Variants in PRKAR2B observed in about 807,000 individuals in gnomAD.
PRKAR2B encodes protein kinase cAMP-dependent type II regulatory subunit beta, also known as cAMP-dependent protein kinase type II-beta regulatory subunit.
In PRKAR2B, 14 loss-of-function variants were observed where a neutral mutation model predicts 49.9. That is an observed-to-expected ratio of 0.28 (90% CI 0.19 to 0.44). The LOEUF is 0.44. Among genes scored for constraint, PRKAR2B ranks in the 20% least tolerant of loss-of-function variants. The probability of loss-of-function intolerance (pLI) is 1.00; values close to 1 mark genes in which losing one functional copy is unlikely to be tolerated. For synonymous variants in PRKAR2B, 196 were observed against 197.7 expected, an observed-to-expected ratio of 0.99 and a Z score of 0.07; for missense variants, 393 against 537.9, an observed-to-expected ratio of 0.73 and a Z score of 2.67.
chr7:107,144,723 A>G (rs1284518118), intron 5 of PRKAR2B, among the ~76,000 whole-genome samples: 1 of 150,864 alleles, frequency 6.6e-6, no homozygotes, highest in Non-Finnish European at 1.5e-5. Flanking sequence ...CTCCCAAAAC[A>G]TTGGAATTAC....
chr7:107,086,288 G>A (rs1794618711), intron 2 of PRKAR2B, among the ~76,000 whole-genome samples: 1 of 152,028 alleles, frequency 6.6e-6, no homozygotes, highest in South Asian at 2.1e-4. Flanking sequence ...GGGTTATTTA[G>A]TCTGAACTTC....
At position 107,128,315 on chromosome 7, in the gene PRKAR2B, T is replaced by A; in HGVS notation, c.480+20T>A. 1 of 1,563,070 alleles carries A rather than the reference T, an allele frequency of 6.4e-7. No individual in the cohort carries two copies. Among genetic ancestry groups the A allele is most frequent in the Non-Finnish European group, 8.8e-7 (1 of 1,133,826 alleles). ...GATCCGGTAAGATAAATCTTAATAA[T>A]AGAAATGGCTTTGTTTTTTCCCCCA... On this transcript the variant is annotated intron_variant, in intron 4 of 10. Transcript: ENST00000265717.
chr7:107,118,699 G>T (rs986377530), intron 2 of PRKAR2B, among the ~76,000 whole-genome samples: 1 of 152,144 alleles, frequency 6.6e-6, no homozygotes, highest in Non-Finnish European at 1.5e-5. Flanking sequence ...GTTCTGTGTG[G>T]GTGAAAGGTC....
intron 1 of PRKAR2B, among the ~76,000 whole-genome samples, chr7:107,059,241 C>G (rs932736000): frequency 3.3e-5 from 5 of 151,774 alleles, no homozygotes; most frequent in African/African-American, 1.2e-4. Flanking sequence ...TGAACTCCAG[C>G]GTGGGTGACA....
At chr7:107,086,061 G>A (rs1032167157) in intron 2 of PRKAR2B, among the ~76,000 whole-genome samples, 6 of 152,178 alleles carry the variant, frequency 3.9e-5, no homozygotes, top group Non-Finnish European at 8.8e-5. Flanking sequence ...ATTTTGAAAT[G>A]TCTGTTAATT....
chr7:107,098,872 C>G (rs1204816771), intron 2 of PRKAR2B, among the ~76,000 whole-genome samples: 3 of 152,320 alleles, frequency 2.0e-5, no homozygotes, highest in Non-Finnish European at 4.4e-5. Flanking sequence ...GATCCTTTCT[C>G]TGGAAGCTTT....
intron 2 of PRKAR2B, among the ~76,000 whole-genome samples, chr7:107,071,514 A>G (rs1428907981): frequency 6.6e-6 from 1 of 152,224 alleles, no homozygotes. Context: ...TGTTTATGTC[A>G]GTAAGGCGTC....
intron 2 of PRKAR2B, among the ~76,000 whole-genome samples, chr7:107,119,205 A>AG (rs1004800670): frequency 2.0e-5 from 3 of 152,200 alleles, no homozygotes; most frequent in Non-Finnish European, 2.9e-5. Flanking sequence ...AATGGATCAG[A>AG]GGGTGGGGGT....
chr7:107,125,402 A>G (rs1252607398), intron 3 of PRKAR2B, among the ~76,000 whole-genome samples: 2 of 152,250 alleles, frequency 1.3e-5, no homozygotes, highest in Non-Finnish European at 2.9e-5. Flanking sequence ...TTGTTTAACA[A>G]ATAAAATTTT....
intron 5 of PRKAR2B, among the ~76,000 whole-genome samples, chr7:107,144,786 CTTTTTTTTTTTTTTTT>C (rs11414978): frequency 1.2e-5 from 1 of 81,916 alleles, no homozygotes; most frequent in Non-Finnish European, 2.3e-5. Context: ...TTAAAAGCCA[CTTTTTTTTTTTTTTTT>C]TTTTTTTTTT....
chr7:107,145,971 C>T (rs1013165305), intron 5 of PRKAR2B, among the ~76,000 whole-genome samples: 8 of 151,998 alleles, frequency 5.3e-5, no homozygotes, highest in African/African-American at 1.9e-4. Context: ...AAACTCCTAA[C>T]CTCAGGTGAT....
intron 2 of PRKAR2B, among the ~76,000 whole-genome samples, chr7:107,087,487 C>T (rs1794643396): frequency 6.6e-6 from 1 of 152,116 alleles, no homozygotes; most frequent in Non-Finnish European, 1.5e-5. Flanking sequence ...TTTCTAAGTG[C>T]TTTACATGTA....
chr7:107,072,011 G>A (rs2116774996), intron 2 of PRKAR2B, among the ~76,000 whole-genome samples: 1 of 151,512 alleles, frequency 6.6e-6, no homozygotes, highest in South Asian at 2.1e-4. Flanking sequence ...GGAGCTTGCA[G>A]TGAGCCAAGA....
At chr7:107,071,373 A>C (rs1387055970) in intron 2 of PRKAR2B, among the ~76,000 whole-genome samples, 1 of 152,236 alleles carries the variant, frequency 6.6e-6, no homozygotes, top group Admixed American at 6.5e-5. Context: ...GACCAGGTCT[A>C]TAAGGATAAT....
At chr7:107,124,570 A>T (rs977560256) in intron 3 of PRKAR2B, among the ~76,000 whole-genome samples, 1 of 152,180 alleles carries the variant, frequency 6.6e-6, no homozygotes, top group African/African-American at 2.4e-5. Context: ...GGCATGCACC[A>T]CCACATACCT....
chr7:107,124,411 A>G (rs1025364759), intron 3 of PRKAR2B, among the ~76,000 whole-genome samples: 3 of 152,228 alleles, frequency 2.0e-5, no homozygotes, highest in Non-Finnish European at 4.4e-5. Flanking sequence ...GTCTAGTGGC[A>G]GAAGCAGACA....
chr7:107,132,859 A>G (rs999706874), intron 4 of PRKAR2B, among the ~76,000 whole-genome samples: 11 of 152,228 alleles, frequency 7.2e-5, no homozygotes, highest in African/African-American at 2.7e-4. Context: ...AGAGAGCTGT[A>G]TATTCATATG....
rs377302817 is a variant in PRKAR2B, at chr7:107,136,076, A to G, written c.481-4771A>G. On this transcript the variant is annotated intron_variant, in intron 4 of 10. Transcript: ENST00000265717. ...TTGACAGAAGAGAAAAGGTAACACA[A>G]TGAAGTAAAGATGGTCTTTTCAACA... 1.2e-3 allele frequency among the ~76,000 whole-genome samples: 180 copies of G among 152,360 alleles called. 1 individual carries two copies. The highest frequency in any genetic ancestry group is 3.9e-3 in the African/African-American group (162 of 41,582).
intron 2 of PRKAR2B, among the ~76,000 whole-genome samples, chr7:107,107,066 G>A (rs1400582988): frequency 6.6e-6 from 1 of 152,214 alleles, no homozygotes; most frequent in African/African-American, 2.4e-5. Flanking sequence ...GTTGGGTGCG[G>A]TGGCTCACGC....
Sources: allele counts gnomAD v4.1 joint callset (sites outside exome capture counted in the v4.1 genomes callset), GRCh38; gene constraint gnomAD v4.1.1; transcripts MANE v1.5; gene names NCBI Gene and HGNC (gene_info 2026-07-23, HGNC 2026-07-21).